SLC10A6: variants seen among roughly 807,000 people sequenced by gnomAD.
SLC10A6 encodes the protein sodium-dependent organic anion transporter.
SLC10A6 carries 27 observed loss-of-function variants against 30.0 expected under a neutral mutation model. The observed-to-expected ratio is 0.90, with a 90% confidence interval of 0.66 to 1.24. The LOEUF (loss-of-function observed/expected upper bound fraction) is 1.24. SLC10A6 is among the 50% of genes most tolerant of loss of function. The pLI, the probability that SLC10A6 is intolerant of heterozygous loss-of-function variation, is 0.00. For missense variants in SLC10A6, 439 were observed against 457.0 expected (o/e 0.96, Z 0.36); for synonymous variants, 166 against 173.8 (o/e 0.95, Z 0.36).
At chr4:86,830,055 A>C (rs1179216043) in intron 3 of SLC10A6, among the ~76,000 whole-genome samples, 4 of 152,246 alleles carry the variant, frequency 2.6e-5, no homozygotes, top group Non-Finnish European at 5.9e-5. Context: ...AAACAAAATC[A>C]TAACTACCAC....
At chr4:86,840,076 AT>A (rs777856705) in intron 1 of SLC10A6, among the ~76,000 whole-genome samples, 6,953 of 142,050 alleles carry the variant, frequency 0.049, 355 homozygotes, top group African/African-American at 0.14. Flanking sequence ...CACCAGGCTA[AT>A]TTTTTTTTTT....
At position 86,844,148 on chromosome 4, in the gene SLC10A6, A is replaced by T. The variant is rs371792671; in HGVS notation, c.377+4591T>A. Among the ~76,000 whole-genome samples the T allele has an allele frequency of 3.9e-5, 6 of 152,344 alleles. No individual in the cohort carries two copies. The East Asian group carries it at 1.2e-3, about 29-fold the overall frequency. Reference sequence around the variant, plus strand: ...AGCCGAGATCACGCCACTGCACTCCAGCCTGGGTGACAGAGCGAGACTCCG... The same window carrying T: ...AGCCGAGATCACGCCACTGCACTCCTGCCTGGGTGACAGAGCGAGACTCCG... On this transcript the variant is annotated intron_variant, in intron 1 of 5. Coordinates refer to ENST00000273905, the MANE Select transcript of SLC10A6 (RefSeq NM_197965.3).
intron 3 of SLC10A6, among the ~76,000 whole-genome samples, chr4:86,830,545 C>T (rs1222145399): frequency 1.9e-4 from 29 of 152,172 alleles, no homozygotes; most frequent in Admixed American, 1.9e-3. Flanking sequence ...ACTAAGCCAT[C>T]CTCCAGCTCT....
Position 86,845,563 on chromosome 4 carries a change from G to A in SLC10A6, c.377+3176C>T, listed in dbSNP as rs540360907. Among the ~76,000 whole-genome samples the A allele has an allele frequency of 2.3e-3, 349 of 152,280 alleles. 1 individual carries two copies. Among genetic ancestry groups the A allele is most frequent in the African/African-American group, 8.2e-3 (342 of 41,540 alleles). On this transcript the variant is annotated intron_variant, in intron 1 of 5. Coordinates refer to ENST00000273905, the MANE Select transcript of SLC10A6 (RefSeq NM_197965.3). Reference sequence around the variant, plus strand: ...TCAGGATTTGAATATAGGCAATCTGGTATCAGAGCCTGCCTTATCCACTTA... The same window carrying A: ...TCAGGATTTGAATATAGGCAATCTGATATCAGAGCCTGCCTTATCCACTTA...
intron 3 of SLC10A6, among the ~76,000 whole-genome samples, chr4:86,830,033 C>T (rs1000716360): frequency 3.3e-5 from 5 of 152,288 alleles, no homozygotes; most frequent in Admixed American, 2.6e-4. Context: ...CATTTCCCTC[C>T]TCTTGTTTTG....
intron 2 of SLC10A6, among the ~76,000 whole-genome samples, chr4:86,832,787 T>C (rs1201014901): frequency 6.6e-6 from 1 of 152,090 alleles, no homozygotes; most frequent in Non-Finnish European, 1.5e-5. Context: ...GACTGTGACA[T>C]GTAGATGAGT....
chr4:86,845,851 G>T (rs1253767885), intron 1 of SLC10A6, among the ~76,000 whole-genome samples: 4 of 152,190 alleles, frequency 2.6e-5, no homozygotes, highest in Non-Finnish European at 4.4e-5. Flanking sequence ...GAGGATGGGT[G>T]TCATCAGTCA....
intron 2 of SLC10A6, among the ~76,000 whole-genome samples, chr4:86,832,106 T>C (rs1345181337): frequency 1.3e-5 from 2 of 152,210 alleles, no homozygotes; most frequent in African/African-American, 4.8e-5. Context: ...CAAAGCAGAA[T>C]ATATTAAATA....
chr4:86,848,903 TC>T lies in SLC10A6; in HGVS notation c.212del (p.Gly71AspfsTer22). On this transcript the variant is annotated frameshift_variant, in exon 1 of 6. Transcript: ENST00000273905. LOFTEE classifies it high-confidence loss of function. ...HIRRPWGIAV[G>X]LLCQFGLMPF... ...GCATGAGCCCAAACTGGCAGAGCAG[TC>T]CCACAGCAATGCCCCAGGGTCTCCT... The T allele has an allele frequency of 6.2e-7, 1 of 1,614,160 alleles. No homozygotes were observed. Among genetic ancestry groups the T allele is most frequent in the Non-Finnish European group, 8.5e-7 (1 of 1,180,030 alleles).
At chr4:86,834,937 T>G (rs1746155185) in intron 1 of SLC10A6, among the ~76,000 whole-genome samples, 1 of 152,080 alleles carries the variant, frequency 6.6e-6, no homozygotes, top group Admixed American at 6.6e-5. Flanking sequence ...CAACCAGATC[T>G]CATGTGAACT....
intron 1 of SLC10A6, among the ~76,000 whole-genome samples, chr4:86,844,703 C>T (rs1746364357): frequency 1.3e-5 from 2 of 152,162 alleles, no homozygotes; most frequent in Non-Finnish European, 2.9e-5. Context: ...AAGCCACCTG[C>T]ATTAGTCCAT....
intron 2 of SLC10A6, 100 bp from the exon 3 acceptor site, chr4:86,831,980 G>T: frequency 1.1e-6 from 1 of 950,480 alleles, no homozygotes; most frequent in Non-Finnish European, 1.6e-6. Flanking sequence ...GCTTTAAACT[G>T]ACATTTTCCC....
chr4:86,827,726 G>A (rs1746019907), intron 4 of SLC10A6, among the ~76,000 whole-genome samples: 2 of 152,106 alleles, frequency 1.3e-5, no homozygotes, highest in South Asian at 4.1e-4. Flanking sequence ...TACGAAGTGG[G>A]AATCAAATCA....
In SLC10A6 at chr4:86,849,158, A is replaced by T. The variant is rs780699070; in HGVS notation, c.-43T>A. 6.4e-7 allele frequency: 1 copy of T among 1,567,742 alleles called. No homozygotes were observed. The highest frequency in any genetic ancestry group is 2.2e-5 in the East Asian group (1 of 44,486). On this transcript the variant is annotated 5_prime_UTR_variant, in exon 1 of 6. The change creates a new upstream start codon in the 5' untranslated region. Coordinates refer to ENST00000273905, the MANE Select transcript of SLC10A6 (RefSeq NM_197965.3). ...GCAGCATTACAAATGAACATCGGCA[A>T]CAATGGCTGGGCAGGTCTATCCTGC...
intron 1 of SLC10A6, among the ~76,000 whole-genome samples, chr4:86,840,080 T>A (rs1746266656): frequency 6.6e-6 from 1 of 151,706 alleles, no homozygotes; most frequent in Admixed American, 6.6e-5. Context: ...AGGCTAATTT[T>A]TTTTTTTTTT....
intron 1 of SLC10A6, among the ~76,000 whole-genome samples, chr4:86,848,413 T>C (rs746273058): frequency 3.9e-5 from 6 of 152,126 alleles, no homozygotes; most frequent in Non-Finnish European, 7.4e-5. Flanking sequence ...GTTTAAGTCC[T>C]AGGAGTTGCT....
chr4:86,831,923 C>T (rs929812909), intron 2 of SLC10A6, 43 bp from the exon 3 acceptor site: 1 of 1,482,900 alleles, frequency 6.7e-7, no homozygotes, highest in Non-Finnish European at 9.3e-7. Flanking sequence ...CCCTCTCACC[C>T]TGACTGCACA....
At chr4:86,835,747 G>GAAAGAA (rs1553899066) in intron 1 of SLC10A6, among the ~76,000 whole-genome samples, 1 of 150,096 alleles carries the variant, frequency 6.7e-6, no homozygotes, top group African/African-American at 2.5e-5. Flanking sequence ...AAGAAAGAAA[G>GAAAGAA]AGAGAGAGAG....
intron 3 of SLC10A6, 148 bp downstream of exon 3, chr4:86,831,644 C>T: frequency 1.5e-6 from 1 of 668,720 alleles, no homozygotes; most frequent in Non-Finnish European, 2.7e-6. Context: ...AAATATGATC[C>T]CTGGATCCAA....
Sources: gnomAD v4.1 joint callset for allele counts (sites outside exome capture counted in the v4.1 genomes callset) on GRCh38, gnomAD v4.1.1 for gene constraint, MANE v1.5 for transcripts, NCBI Gene and HGNC (gene_info 2026-07-23, HGNC 2026-07-21) for gene names.